The following STPG2 variants were observed in gnomAD, a reference collection of about 807,000 sequenced individuals.
STPG2 encodes the protein sperm-tail PG-rich repeat-containing protein 2.
A neutral mutation model predicts 54.2 loss-of-function variants in STPG2; 56 were observed. That is an observed-to-expected ratio of 1.03 (90% confidence interval 0.83 to 1.29). STPG2 has a LOEUF of 1.29. Ranked by LOEUF, STPG2 falls within the 50% of genes most tolerant of loss-of-function variation. The pLI is 0.00. For synonymous variants in STPG2, 200 were observed against 181.8 expected, an observed-to-expected ratio of 1.10 and a Z score of -0.81; for missense variants, 596 against 544.9, an observed-to-expected ratio of 1.09 and a Z score of -0.93.
At chr4:97,797,432 T>C (rs1249996577) in intron 9 of STPG2, among the ~76,000 whole-genome samples, 1 of 152,234 alleles carries the variant, frequency 6.6e-6, no homozygotes, top group Non-Finnish European at 1.5e-5. Context: ...CTTTTCTGCA[T>C]CTATTGAGAT....
intron 10 of STPG2, among the ~76,000 whole-genome samples, chr4:97,587,648 A>C (rs1481690156): frequency 6.6e-6 from 1 of 151,944 alleles, no homozygotes; most frequent in African/African-American, 2.4e-5. Context: ...AGAAGTTTGG[A>C]AGTATTTTAC....
intron 8 of STPG2, among the ~76,000 whole-genome samples, chr4:97,905,691 G>T (rs950001517): frequency 1.3e-5 from 2 of 152,130 alleles, no homozygotes; most frequent in African/African-American, 4.8e-5. Flanking sequence ...ATCCATCAGT[G>T]TGCTGTATTC....
At chr4:97,848,329 C>T (rs1578618108) in intron 8 of STPG2, among the ~76,000 whole-genome samples, 1 of 152,136 alleles carries the variant, frequency 6.6e-6, no homozygotes, top group Non-Finnish European at 1.5e-5. Flanking sequence ...AAATTTACTA[C>T]TTTGCTTACA....
At chr4:97,865,059 A>G (rs1366096593) in intron 8 of STPG2, among the ~76,000 whole-genome samples, 1 of 152,182 alleles carries the variant, frequency 6.6e-6, no homozygotes, top group Non-Finnish European at 1.5e-5. Flanking sequence ...AAAACACCAA[A>G]AGCAATGGCA....
At chr4:98,012,213 T>C (rs1055115790) in intron 5 of STPG2, among the ~76,000 whole-genome samples, 3 of 152,208 alleles carry the variant, frequency 2.0e-5, no homozygotes, top group Non-Finnish European at 2.9e-5. Context: ...GGGAATCCTT[T>C]CCCCATTGCT....
chr4:97,718,333 C>T (rs543663333), intron 9 of STPG2, among the ~76,000 whole-genome samples: 4 of 151,944 alleles, frequency 2.6e-5, no homozygotes, highest in Non-Finnish European at 5.9e-5. Context: ...TGACTATTTT[C>T]CATTTTCTCA....
intron 8 of STPG2, among the ~76,000 whole-genome samples, chr4:97,859,027 G>C (rs1172053020): frequency 6.6e-6 from 1 of 152,166 alleles, no homozygotes; most frequent in African/African-American, 2.4e-5. Context: ...GTGTAAAAGT[G>C]TTTCCTTTTC....
chr4:97,586,574 C>G (rs888114467), intron 10 of STPG2, among the ~76,000 whole-genome samples: 2 of 151,796 alleles, frequency 1.3e-5, no homozygotes, highest in Non-Finnish European at 2.9e-5. Context: ...TTTAAAGCAC[C>G]TAGAGAGAAA....
At chr4:98,115,983 T>C (rs1362937688) in intron 3 of STPG2, among the ~76,000 whole-genome samples, 1 of 139,788 alleles carries the variant, frequency 7.2e-6, no homozygotes, top group Non-Finnish European at 1.6e-5. Context: ...TTTATATGTT[T>C]TTAAATTACA....
At chr4:97,579,403 T>C (rs544320142) in intron 10 of STPG2, among the ~76,000 whole-genome samples, 1 of 152,148 alleles carries the variant, frequency 6.6e-6, no homozygotes, top group East Asian at 1.9e-4. Flanking sequence ...AAATTTAATC[T>C]CAAAATTTGA....
intron 4 of STPG2, among the ~76,000 whole-genome samples, chr4:97,452,416 G>A (rs984327118): frequency 7.9e-5 from 12 of 152,132 alleles, no homozygotes; most frequent in African/African-American, 2.9e-4. Flanking sequence ...GGAACGGCCT[G>A]AAGGCTGGGC....
At chr4:97,620,906 A>T (rs75824434) in intron 10 of STPG2, among the ~76,000 whole-genome samples, 2,453 of 152,092 alleles carry the variant, frequency 0.016, 54 homozygotes, top group African/African-American at 0.056. Context: ...CAACAAATTT[A>T]AAAAAAACCT....
intron 5 of STPG2, among the ~76,000 whole-genome samples, chr4:98,032,848 G>A (rs1736642476): frequency 6.6e-6 from 1 of 152,128 alleles, no homozygotes; most frequent in African/African-American, 2.4e-5. Flanking sequence ...TGACTACTGG[G>A]TAAATAACAA....
chr4:97,441,934 C>T (rs1231702614), intron 4 of STPG2, among the ~76,000 whole-genome samples: 1 of 151,958 alleles, frequency 6.6e-6, no homozygotes, highest in Non-Finnish European at 1.5e-5. Flanking sequence ...ATTTAATACA[C>T]TATTTTCTCC....
At chr4:97,764,157 C>T (rs1725971909) in intron 9 of STPG2, among the ~76,000 whole-genome samples, 1 of 151,014 alleles carries the variant, frequency 6.6e-6, no homozygotes, top group East Asian at 1.9e-4. Flanking sequence ...CACAGACAGA[C>T]ACACACACAC....
At chr4:97,964,047 A>G (rs1357126067) in intron 7 of STPG2, among the ~76,000 whole-genome samples, 1 of 152,212 alleles carries the variant, frequency 6.6e-6, no homozygotes, top group African/African-American at 2.4e-5. Flanking sequence ...ATATGTGAAT[A>G]GGAAGGACTA....
At chr4:98,092,431 C>G (rs1738720331) in intron 5 of STPG2, among the ~76,000 whole-genome samples, 1 of 151,928 alleles carries the variant, frequency 6.6e-6, no homozygotes, top group South Asian at 2.1e-4. Flanking sequence ...CCACATATTA[C>G]TAACAGTAAT....
At chr4:97,519,856 G>A (rs144438030) in intron 4 of STPG2, among the ~76,000 whole-genome samples, 4 of 152,002 alleles carry the variant, frequency 2.6e-5, no homozygotes, top group Admixed American at 2.6e-4. Context: ...GAAAGGACAA[G>A]GGATAGGTAA....
chr4:97,603,139 T>TA (rs1451645159), intron 10 of STPG2, among the ~76,000 whole-genome samples: 10 of 151,514 alleles, frequency 6.6e-5, no homozygotes, highest in Admixed American at 3.9e-4. Flanking sequence ...CAAACCAATT[T>TA]AAAAAACAGG....
Sources: allele counts gnomAD v4.1 joint callset (sites outside exome capture counted in the v4.1 genomes callset), GRCh38; gene constraint gnomAD v4.1.1; transcripts MANE v1.5; gene names NCBI Gene and HGNC (gene_info 2026-07-23, HGNC 2026-07-21).